GPR18: variants seen among roughly 807,000 people sequenced by gnomAD.
GPR18 encodes N-arachidonyl glycine receptor.
Under a neutral mutation model 22.8 loss-of-function variants are expected in GPR18, and 20 were observed. The observed-to-expected ratio is 0.88, with a 90% CI of 0.62 to 1.28. GPR18 has a LOEUF of 1.28. Among genes scored for constraint, GPR18 ranks in the 50% most tolerant of loss-of-function variants. The pLI, the probability that GPR18 is intolerant of heterozygous loss-of-function variation, is 0.00. For synonymous variants in GPR18, 160 were observed against 155.3 expected, an observed-to-expected ratio of 1.03 and a Z score of -0.22; for missense variants, 379 against 412.0, an observed-to-expected ratio of 0.92 and a Z score of 0.69.
In GPR18 at chr13:99,255,147, G is replaced by T. The variant is rs764458382; in HGVS notation, c.726C>A (p.Leu242=). ...RIIITLLVQV[L]VCFMPFHICF... ...AGATGTGGAAGGGCATAAAGCAGACGAGCACCTGCACCAGCAGCGTGATGA... is the reference window on the plus strand; with the variant it reads ...AGATGTGGAAGGGCATAAAGCAGACTAGCACCTGCACCAGCAGCGTGATGA... The change falls in exon 2 of 2, where the codon CTC becomes CTA. Residue 242 remains leucine (L), a synonymous_variant. Coordinates refer to ENST00000397470, the MANE Select transcript of GPR18 (RefSeq NM_001098200.2). The T allele has an allele frequency of 4.4e-5, 71 of 1,613,920 alleles. No individual in the cohort carries two copies. Among genetic ancestry groups the T allele is most frequent in the Non-Finnish European group, 5.1e-5 (60 of 1,180,024 alleles).
At chr13:99,256,128 A>G (rs890900757) in intron 1 of GPR18, among the ~76,000 whole-genome samples, 7 of 152,204 alleles carry the variant, frequency 4.6e-5, no homozygotes, top group Non-Finnish European at 4.4e-5. Flanking sequence ...TCTATTGAGC[A>G]TGTAATAGGT....
At chr13:99,255,945 G>T in intron 1 of GPR18, 39 bp from the exon 2 acceptor site, 1 of 1,366,800 alleles carries the variant, frequency 7.3e-7, no homozygotes, top group Non-Finnish European at 9.8e-7. Flanking sequence ...TAAAATCGTT[G>T]GTTAAAAAAT....
chr13:99,257,238 A>G (rs2043579831), intron 1 of GPR18, among the ~76,000 whole-genome samples: 1 of 152,230 alleles, frequency 6.6e-6, no homozygotes, highest in Non-Finnish European at 1.5e-5. Flanking sequence ...ATTTCTATCA[A>G]ATGAGGAAAG....
rs773906701 is a variant in GPR18, at chr13:99,255,078, A to T, written c.795T>A (p.Asn265Lys). 2 of 1,614,068 alleles carry T rather than the reference A, an allele frequency of 1.2e-6. No individual in the cohort carries two copies. Residue 265 changes from asparagine to lysine, a missense_variant, in exon 2 of 2, where the codon AAT (asparagine) becomes AAA (lysine). Asn to Lys is a moderately conservative substitution (Grantham distance 94). Transcript: ENST00000397470. ...GGAAGGTGGTAAAGGCTCCCCAGGGATTGTAACTGTTCTCCCCCGTTCCCA... is the reference window on the plus strand; with the variant it reads ...GGAAGGTGGTAAAGGCTCCCCAGGGTTTGTAACTGTTCTCCCCCGTTCCCA... ...LMLGTGENSYNPWGAFTTFLM... is the reference protein window; with the variant it reads ...LMLGTGENSYKPWGAFTTFLM...
rs72648091 is a variant in GPR18, at chr13:99,257,040, T to C, written c.-35+1114A>G. Reference sequence around the variant, plus strand: ...GATAATTAAGAATTAACTTGAGCAATTGCTGTGGTTAAACACAAGAAACGT... The same window carrying C: ...GATAATTAAGAATTAACTTGAGCAACTGCTGTGGTTAAACACAAGAAACGT... On this transcript the variant is annotated intron_variant, in intron 1 of 1. Coordinates refer to ENST00000397470, the MANE Select transcript of GPR18 (RefSeq NM_001098200.2). Among the ~76,000 whole-genome samples, 249 of 152,314 alleles carry C rather than the reference T, an allele frequency of 1.6e-3. 1 individual carries two copies. Among genetic ancestry groups the C allele is most frequent in the Non-Finnish European group, 3.0e-3 (204 of 68,024 alleles).
In GPR18 at chr13:99,255,216, C is replaced by T. The variant is rs754746735; in HGVS notation, c.657G>A (p.Thr219=). 1.6e-5 allele frequency: 26 copies of T among 1,613,930 alleles called. No individual in the cohort carries two copies. Among genetic ancestry groups the T allele is most frequent in the South Asian group, 4.4e-5 (4 of 91,086 alleles). ...VIIHNLLHGR[T]SKLKPKVKEK... ...CCTTGACTTTGGGTTTCAGCTTAGA[C>T]GTCCTGCCGTGAAGGAGATTATGAA... Residue 219 remains threonine, a synonymous_variant, in exon 2 of 2, where the codon ACG becomes ACA. Coordinates refer to ENST00000397470, the MANE Select transcript of GPR18 (RefSeq NM_001098200.2).
chr13:99,254,924 AT>A lies in GPR18; in HGVS notation c.948del (p.Ser317LeufsTer7), dbSNP rs747319192. On this transcript the variant is annotated frameshift_variant, in exon 2 of 2. Transcript: ENST00000397470. LOFTEE classifies it high-confidence loss of function. The stretch of plus-strand genomic sequence containing the variant: ...TTGCTTAGTGACCGTAGACTACCAG[AT>A]CGGAAACTTTTTCTGCGCATGCTTC... ...YLRSMRRKSF[R>X]SGSLRSLSNI... is the part of the protein sequence containing the mutation. 2 of 1,613,978 alleles carry A rather than the reference AT, an allele frequency of 1.2e-6. No homozygotes were observed. The highest frequency in any genetic ancestry group is 1.7e-6 in the Non-Finnish European group (2 of 1,180,008).
At position 99,255,087 on chromosome 13, in the gene GPR18, G is replaced by A. The variant is rs3742130; in HGVS notation, c.786C>T (p.Asn262=). ...TAAAGGCTCCCCAGGGATTGTAACT[G>A]TTCTCCCCCGTTCCCAGCATCAGGA... ...FAFLMLGTGE[N]SYNPWGAFTT... Residue 262 remains asparagine, a synonymous_variant, in exon 2 of 2, where the codon AAC becomes AAT. Coordinates refer to ENST00000397470, the MANE Select transcript of GPR18 (RefSeq NM_001098200.2). 0.19 allele frequency: 303,842 copies of A among 1,613,846 alleles called. 30,572 individuals carry two copies. The highest frequency in any genetic ancestry group is 0.21 in the Non-Finnish European group (249,060 of 1,179,912).
rs2043540348 is a variant in GPR18 at position 99,255,688 on chromosome 13, A to G, written c.185T>C (p.Met62Thr). 6.2e-7 allele frequency: 1 copy of G among 1,614,154 alleles called. No homozygotes were observed. The highest frequency in any genetic ancestry group is 1.3e-5 in the African/African-American group (1 of 75,038). The change falls in exon 2 of 2, where the codon ATG (methionine) becomes ACG (threonine). Residue 62 changes from methionine (M) to threonine (T), a missense_variant. By Grantham distance (81) the Met-to-Thr change is moderately conservative (BLOSUM62 -1). Transcript: ENST00000397470. ...TATCAAGTCCACTAATGCCACATTC[A>G]TCATATAGATGGTTACCGTGGTTCT... ...KKRTTVTIYM[M>T]NVALVDLIFI...
Position 99,255,380 on chromosome 13 carries a change from T to C in GPR18, c.493A>G (p.Lys165Glu), listed in dbSNP as rs748541807. The C allele has an allele frequency of 6.2e-7, 1 of 1,614,106 alleles. No individual in the cohort carries two copies. The change falls in exon 2 of 2, where the codon AAA (lysine) becomes GAA (glutamate). Residue 165 changes from lysine to glutamate, a missense_variant. Transcript: ENST00000397470. ...PLLLLYKDPD[K>E]DSTPATCLKI... ...AGGCAGGTGGCGGGAGTGGAGTCTT[T>C]ATCTGGGTCTTTATAGAGCAGTAGC... is the stretch of plus-strand genomic sequence containing the variant.
chr13:99,255,802 G>A lies in GPR18; in HGVS notation c.71C>T (p.Ala24Val). 6.2e-7 allele frequency: 1 copy of A among 1,611,396 alleles called. No individual in the cohort carries two copies. Among genetic ancestry groups the A allele is most frequent in the Non-Finnish European group, 8.5e-7 (1 of 1,178,644 alleles). The change falls in exon 2 of 2, where the codon GCA (alanine) becomes GTA (valine). Residue 24 changes from alanine (A) to valine (V), a missense_variant. Transcript: ENST00000397470. ...GATACAGCTATAGAAGACAAGGGCTGCAATTTTGTATTCATCTGGATGTGA... is the reference window on the plus strand; with the variant it reads ...GATACAGCTATAGAAGACAAGGGCTACAATTTTGTATTCATCTGGATGTGA... ...NSSHPDEYKIAALVFYSCIFI... is the reference protein window; with the variant it reads ...NSSHPDEYKIVALVFYSCIFI...
Position 99,254,899 on chromosome 13 carries a change from T to C in GPR18, c.974A>G (p.Asn325Ser), listed in dbSNP as rs372086125. The C allele has an allele frequency of 6.2e-7, 1 of 1,613,472 alleles. No homozygotes were observed. The highest frequency in any genetic ancestry group is 1.1e-5 in the South Asian group (1 of 91,002). The stretch of plus-strand genomic sequence containing the variant: ...TATTCATAACATTTCACTGTTTATA[T>C]TGCTTAGTGACCGTAGACTACCAGA... ...FRSGSLRSLSNINSEML is the reference protein window; with the variant it reads ...FRSGSLRSLSSINSEML Residue 325 changes from asparagine (N) to serine (S), a missense_variant, in exon 2 of 2, where the codon AAT (asparagine) becomes AGT (serine). Physicochemically the swap from Asn to Ser is conservative, Grantham distance 46. Transcript: ENST00000397470.
chr13:99,257,086 T>C (rs1444947428), intron 1 of GPR18, among the ~76,000 whole-genome samples: 1 of 152,062 alleles, frequency 6.6e-6, no homozygotes, highest in Non-Finnish European at 1.5e-5. Flanking sequence ...CTTCCTTCCT[T>C]TCCCTTCCCT....
At position 99,255,570 on chromosome 13, in the gene GPR18, T is replaced by C. The variant is rs774352675; in HGVS notation, c.303A>G (p.Thr101=). The C allele has an allele frequency of 1.2e-6, 2 of 1,614,136 alleles. No individual in the cohort carries two copies. The highest frequency in any genetic ancestry group is 1.7e-5 in the Admixed American group (1 of 60,020). Residue 101 remains threonine, a synonymous_variant, in exon 2 of 2, where the codon ACA becomes ACG. Coordinates refer to ENST00000397470, the MANE Select transcript of GPR18 (RefSeq NM_001098200.2). ...EYFCQILGAL[T]VFYPSIALWL... ...ATAAAGCAATGCTTGGGTAAAACAC[T>C]GTGAGAGCTCCAAGAATCTGGCAGA...
chr13:99,254,939 T>C lies in GPR18; in HGVS notation c.934A>G (p.Arg312Gly). 1 of 1,614,158 alleles carries C rather than the reference T, an allele frequency of 6.2e-7. No individual in the cohort carries two copies. The highest frequency in any genetic ancestry group is 8.5e-7 in the Non-Finnish European group (1 of 1,179,996). The change falls in exon 2 of 2, where the codon AGA becomes GGA. Residue 312 changes from arginine to glycine, a missense_variant. By Grantham distance (125) the Arg-to-Gly change is moderately radical (BLOSUM62 -2). Coordinates refer to ENST00000397470, the MANE Select transcript of GPR18 (RefSeq NM_001098200.2). ...AGACTACCAGATCGGAAACTTTTTC[T>C]GCGCATGCTTCGAAGGTAATTACGG... ...LYRNYLRSMR[R>G]KSFRSGSLRS...
chr13:99,255,012 G>A lies in GPR18; in HGVS notation c.861C>T (p.Tyr287=). The change falls in exon 2 of 2, where the codon TAC becomes TAT. Residue 287 remains tyrosine (Y), a synonymous_variant. Transcript: ENST00000397470. ...LSTCLDVILY[Y]IVSKQFQARV... ...GAGCCTGAAATTGTTTTGAAACGAT[G>A]TAGTAGAGAATCACATCCAGACACG... 1.2e-6 allele frequency: 2 copies of A among 1,614,170 alleles called. No individual in the cohort carries two copies. Among genetic ancestry groups the A allele is most frequent in the Non-Finnish European group, 1.7e-6 (2 of 1,180,034 alleles).
chr13:99,255,901 T>G lies in GPR18; in HGVS notation c.-29A>C. ...ACAGCTTGTTGGTAGGCATGATACTTAGAAACTGTAAAAATAGTTAAGAAA... is the reference window on the plus strand; with the variant it reads ...ACAGCTTGTTGGTAGGCATGATACTGAGAAACTGTAAAAATAGTTAAGAAA... On this transcript the variant is annotated 5_prime_UTR_variant, in exon 2 of 2. An upstream open reading frame in the 5' UTR loses its in-frame stop. Coordinates refer to ENST00000397470, the MANE Select transcript of GPR18 (RefSeq NM_001098200.2). 6.6e-7 allele frequency: 1 copy of G among 1,505,938 alleles called. No homozygotes were observed. Among genetic ancestry groups the G allele is most frequent in the Non-Finnish European group, 8.9e-7 (1 of 1,128,348 alleles). 93.3% of individuals were successfully genotyped at this position (1,505,938 alleles called of 1,614,324 possible).
At chr13:99,257,671 C>T (rs1566472622) in intron 1 of GPR18, among the ~76,000 whole-genome samples, 1 of 152,048 alleles carries the variant, frequency 6.6e-6, no homozygotes. Context: ...TTTTTAAAAG[C>T]TATAGATACC....
chr13:99,255,980 G>A, intron 1 of GPR18, 74 bp from the exon 2 acceptor site: 2 of 1,045,426 alleles, frequency 1.9e-6, no homozygotes, highest in Non-Finnish European at 2.7e-6. Flanking sequence ...CTCCCACTCA[G>A]CTTGACTGCC....
Sources: gnomAD v4.1 joint callset for allele counts (sites outside exome capture counted in the v4.1 genomes callset) on GRCh38, gnomAD v4.1.1 for gene constraint, MANE v1.5 for transcripts, NCBI Gene and HGNC (gene_info 2026-07-23, HGNC 2026-07-21) for gene names.